The following MTMR14 variants were observed in gnomAD, a reference collection of about 807,000 sequenced individuals.
MTMR14 encodes myotubularin related protein 14, also known as phosphatidylinositol-3,5-bisphosphate 3-phosphatase MTMR14.
MTMR14 carries 48 observed loss-of-function variants against 86.3 expected under a neutral mutation model. The ratio of observed to expected loss-of-function variants is 0.56; its 90% CI spans 0.44 to 0.71. The LOEUF is 0.71. MTMR14 is among the 30% of genes least tolerant of loss of function. The probability of loss-of-function intolerance (pLI) is 0.00; values close to 1 mark genes in which losing one functional copy is unlikely to be tolerated. For missense variants in MTMR14, 780 were observed against 834.6 expected (o/e 0.93, Z 0.81); for synonymous variants, 366 against 326.1 (o/e 1.12, Z -1.32).
At chr3:9,668,304 A>G (rs545469542) in intron 3 of MTMR14, among the ~76,000 whole-genome samples, 1 of 152,196 alleles carries the variant, frequency 6.6e-6, no homozygotes, top group Non-Finnish European at 1.5e-5. Flanking sequence ...GACCTTACAC[A>G]TCACTTAACC....
At chr3:9,650,957 T>C (rs930479065) in intron 1 of MTMR14, among the ~76,000 whole-genome samples, 2 of 151,924 alleles carry the variant, frequency 1.3e-5, no homozygotes, top group Non-Finnish European at 2.9e-5. Context: ...CCCAGCTAAT[T>C]ATTGTAGTTT....
chr3:9,658,970 G>A (rs1260801323), intron 2 of MTMR14, among the ~76,000 whole-genome samples: 2 of 152,156 alleles, frequency 1.3e-5, no homozygotes, highest in Non-Finnish European at 2.9e-5. Context: ...TGGGCGTTTC[G>A]CTTGAACCCA....
intron 1 of MTMR14, 91 bp downstream of exon 1, chr3:9,649,833 A>G (rs1574902199): frequency 1.3e-6 from 2 of 1,571,384 alleles, no homozygotes; most frequent in Non-Finnish European, 1.7e-6. Flanking sequence ...AAAAGGTAGG[A>G]GTGGTACCTC....
intron 1 of MTMR14, among the ~76,000 whole-genome samples, chr3:9,650,124 G>A (rs895756606): frequency 2.6e-5 from 4 of 152,074 alleles, no homozygotes; most frequent in African/African-American, 9.7e-5. Context: ...AGAAAAATAG[G>A]GAGACGATTC....
chr3:9,701,765 G>C lies in MTMR14; in HGVS notation c.1770-25G>C. ...GGTCCTGTCCCAGGGTAATGTCTTTGTTCTTTCTCTTGACCTCCCCATAGG... is the reference window on the plus strand; with the variant it reads ...GGTCCTGTCCCAGGGTAATGTCTTTCTTCTTTCTCTTGACCTCCCCATAGG... On this transcript the variant is annotated intron_variant, in intron 18 of 18. Transcript: ENST00000296003. The surrounding 1 kb of genome is among the most constrained non-coding windows in gnomAD (Gnocchi z 4.2). The C allele has an allele frequency of 6.2e-7, 1 of 1,612,744 alleles. No homozygotes were observed. The highest frequency in any genetic ancestry group is 1.7e-5 in the Admixed American group (1 of 60,016).
chr3:9,696,509 C>CA (rs1277642946), intron 17 of MTMR14, among the ~76,000 whole-genome samples: 1 of 152,192 alleles, frequency 6.6e-6, no homozygotes, highest in Non-Finnish European at 1.5e-5. Context: ...CAGGGAAAAA[C>CA]AAAAACAGAA....
Position 9,649,694 on chromosome 3 carries a change from C to T in MTMR14, c.111C>T (p.Ser37=). The T allele has an allele frequency of 1.2e-6, 2 of 1,611,812 alleles. No individual in the cohort carries two copies. Among genetic ancestry groups the T allele is most frequent in the Non-Finnish European group, 1.7e-6 (2 of 1,179,182 alleles). The part of the protein sequence containing the change: ...LGLGELLEEF[S]RTQYRAKDGS... ...TTGGGGAGCTGCTGGAGGAGTTCTC[C>T]CGGACTCAGTACCGGGCCAAGGATG... The change falls in exon 1 of 19, where the codon TCC becomes TCT. Residue 37 remains serine, a synonymous_variant. Coordinates refer to ENST00000296003, the MANE Select transcript of MTMR14 (RefSeq NM_001077525.3).
At chr3:9,691,365 C>T (rs9985277) in intron 17 of MTMR14, among the ~76,000 whole-genome samples, 4,863 of 152,344 alleles carry the variant, frequency 0.032, 99 homozygotes, top group African/African-American at 0.059. Flanking sequence ...GTGTGCATGC[C>T]TGCTGCCGCA....
chr3:9,697,606 A>C, intron 17 of MTMR14, 105 bp from the exon 18 acceptor site: 1 of 1,319,674 alleles, frequency 7.6e-7, no homozygotes, highest in Non-Finnish European at 1.0e-6. Flanking sequence ...GATTGACAAC[A>C]GAACCTAGCA....
rs1420968288 is a variant in MTMR14, at chr3:9,697,934, G to A, written c.1769+68G>A. 3.1e-6 allele frequency: 5 copies of A among 1,602,796 alleles called. No homozygotes were observed. In the South Asian group the frequency reaches 4.4e-5, roughly 14 times the overall value. ...GGGAAAAGCTGGTGAGCAGTCAGGA[G>A]TGCTGGGTAGGAATGAGGCTGGCGC... On this transcript the variant is annotated intron_variant, in intron 18 of 18. Coordinates refer to ENST00000296003, the MANE Select transcript of MTMR14 (RefSeq NM_001077525.3).
At chr3:9,679,182 A>G (rs1323089129) in intron 9 of MTMR14, among the ~76,000 whole-genome samples, 1 of 152,222 alleles carries the variant, frequency 6.6e-6, no homozygotes, top group African/African-American at 2.4e-5. Flanking sequence ...GTTTGAGTGT[A>G]TGAAGTAGGG....
chr3:9,667,819 T>G (rs2048337429), intron 3 of MTMR14, among the ~76,000 whole-genome samples: 1 of 152,232 alleles, frequency 6.6e-6, no homozygotes, highest in Admixed American at 6.5e-5. Flanking sequence ...TGGAGAAGCC[T>G]TCAGATGGTA....
intron 3 of MTMR14, among the ~76,000 whole-genome samples, chr3:9,665,978 C>T (rs189074884): frequency 9.9e-5 from 15 of 152,002 alleles, no homozygotes; most frequent in Admixed American, 2.6e-4. Flanking sequence ...CCGCCCGTCT[C>T]GGCCTCCCAA....
chr3:9,685,528 C>T (rs537070654), intron 13 of MTMR14, among the ~76,000 whole-genome samples: 2 of 152,300 alleles, frequency 1.3e-5, no homozygotes, highest in Non-Finnish European at 1.5e-5. Context: ...TTCCCTCTCA[C>T]AGGCCACTTG....
In MTMR14 at chr3:9,688,702, G is replaced by C. The variant is rs752860539; in HGVS notation, c.1242G>C (p.Lys414Asn). 2 of 1,614,080 alleles carry C rather than the reference G, an allele frequency of 1.2e-6. No individual in the cohort carries two copies. Among genetic ancestry groups the C allele is most frequent in the African/African-American group, 2.7e-5 (2 of 74,922 alleles). Residue 414 changes from lysine (K) to asparagine (N), a missense_variant, in exon 15 of 19, where the codon AAG becomes AAC. Physicochemically the swap from Lys to Asn is moderately conservative, Grantham distance 94 (BLOSUM62 0). Coordinates refer to ENST00000296003, the MANE Select transcript of MTMR14 (RefSeq NM_001077525.3). ...CTCCGGCTTCCATTTCTAGGAGGAA[G>C]AGTTTGCCAGCCCGGGATGGAGGCT... ...EFSALKTQRR[K>N]SLPARDGGFT...
intron 17 of MTMR14, among the ~76,000 whole-genome samples, chr3:9,695,844 C>T (rs1051923528): frequency 6.6e-6 from 1 of 152,330 alleles, no homozygotes; most frequent in African/African-American, 2.4e-5. Context: ...GGATGCATCT[C>T]AGGGTTGTGC....
Position 9,697,823 on chromosome 3 carries a change from T to C in MTMR14, c.1726T>C (p.Ser576Pro), listed in dbSNP as rs755276747. Reference protein sequence around the residue: ...QERAVLHTDSSLPFSFPDELP... With the variant: ...QERAVLHTDSPLPFSFPDELP... Reference sequence around the variant, plus strand: ...GCGGGCTGTCCTGCACACAGACTCCTCTCTCCCTTTCAGCTTCCCGGATGA... The same window carrying C: ...GCGGGCTGTCCTGCACACAGACTCCCCTCTCCCTTTCAGCTTCCCGGATGA... The change falls in exon 18 of 19, where the codon TCT (serine) becomes CCT (proline). Residue 576 changes from serine to proline, a missense_variant. Ser to Pro is a moderately conservative substitution (Grantham distance 74, BLOSUM62 -1). Transcript: ENST00000296003. The C allele has an allele frequency of 1.9e-6, 3 of 1,614,214 alleles. No homozygotes were observed. Among genetic ancestry groups the C allele is most frequent in the Non-Finnish European group, 2.5e-6 (3 of 1,180,046 alleles).
chr3:9,677,256 G>A lies in MTMR14; in HGVS notation c.752-61G>A. On this transcript the variant is annotated intron_variant, in intron 7 of 18. Coordinates refer to ENST00000296003, the MANE Select transcript of MTMR14 (RefSeq NM_001077525.3). This position sits in a 1 kb window ranked among gnomAD's most constrained non-coding sequence, Gnocchi z 4.2. ...ACTCAGGGACCTGGGTCTGGCCAGG[G>A]CTGTCTCAGAAGACTTTGGGCTGGG... 1 of 1,503,578 alleles carries A rather than the reference G, an allele frequency of 6.7e-7. No homozygotes were observed. Among genetic ancestry groups the A allele is most frequent in the Non-Finnish European group, 9.3e-7 (1 of 1,080,464 alleles). The allele number at this position is 1,503,578 out of a possible 1,614,324, so 93.1% of individuals were successfully genotyped here.
intron 14 of MTMR14, among the ~76,000 whole-genome samples, chr3:9,688,204 G>A (rs2076024198): frequency 6.6e-6 from 1 of 152,190 alleles, no homozygotes; most frequent in African/African-American, 2.4e-5. Context: ...CAGCCCAGGA[G>A]TAGGAGGACT....
Sources: gnomAD v4.1 joint callset for allele counts (sites outside exome capture counted in the v4.1 genomes callset) on GRCh38, gnomAD v4.1.1 for gene constraint, Gnocchi (gnomAD v3.1) non-coding constraint, MANE v1.5 for transcripts, NCBI Gene and HGNC (gene_info 2026-07-23, HGNC 2026-07-21) for gene names.